CSMD1: variants seen among roughly 807,000 people sequenced by gnomAD.
The protein encoded by CSMD1 is CUB and sushi domain-containing protein 1.
CSMD1 carries 213 observed loss-of-function variants against 417.5 expected under a neutral mutation model. The ratio of observed to expected loss-of-function variants is 0.51; its 90% CI spans 0.46 to 0.57. The LOEUF is 0.57. Ranked by LOEUF, CSMD1 falls within the 20% of genes least tolerant of loss-of-function variation. The pLI, the probability that CSMD1 is intolerant of heterozygous loss-of-function variation, is 0.00. For missense variants in CSMD1, 6,923 were observed against 4,529.7 expected, an observed-to-expected ratio of 1.53 and a Z score of -15.17; for synonymous variants, 2,862 against 1,736.8, an observed-to-expected ratio of 1.65 and a Z score of -16.11.
At chr8:3,856,825 G>A (rs1199238034) in intron 5 of CSMD1, among the ~76,000 whole-genome samples, 1 of 152,116 alleles carries the variant, frequency 6.6e-6, no homozygotes, top group African/African-American at 2.4e-5. Flanking sequence ...GGGGCCCAAA[G>A]TTAACAGAAC....
chr8:3,972,166 G>A (rs1226969701), intron 5 of CSMD1, among the ~76,000 whole-genome samples: 2 of 152,006 alleles, frequency 1.3e-5, no homozygotes, highest in Non-Finnish European at 2.9e-5. Flanking sequence ...CCCTGTGCCT[G>A]GCCCTTCTAA....
chr8:4,240,388 C>G (rs915848980), intron 3 of CSMD1, among the ~76,000 whole-genome samples: 3 of 152,212 alleles, frequency 2.0e-5, no homozygotes, highest in African/African-American at 7.2e-5. Context: ...TTGCAGGCAT[C>G]ACAGTTGAGC....
At chr8:4,100,370 C>A (rs1585313164) in intron 3 of CSMD1, among the ~76,000 whole-genome samples, 1 of 152,218 alleles carries the variant, frequency 6.6e-6, no homozygotes, top group Admixed American at 6.5e-5. Flanking sequence ...TCCTCCACCA[C>A]CCATCTCCTT....
intron 1 of CSMD1, among the ~76,000 whole-genome samples, chr8:4,982,364 T>C (rs141152090): frequency 1.1e-3 from 163 of 152,350 alleles, no homozygotes; most frequent in African/African-American, 3.8e-3. Flanking sequence ...TTGTTCCTGG[T>C]GGCATCTGGT....
intron 26 of CSMD1, among the ~76,000 whole-genome samples, chr8:3,258,215 T>C (rs895352239): frequency 6.6e-6 from 1 of 152,132 alleles, no homozygotes; most frequent in Non-Finnish European, 1.5e-5. Context: ...AAATGTCTAA[T>C]ATCCAGCATC....
chr8:3,843,417 G>T (rs533148318), intron 5 of CSMD1, among the ~76,000 whole-genome samples: 1 of 152,030 alleles, frequency 6.6e-6, no homozygotes, highest in Admixed American at 6.6e-5. Flanking sequence ...TAAAGTCAAA[G>T]TTGGTTTCAG....
At chr8:4,843,894 T>C (rs769314182) in intron 1 of CSMD1, among the ~76,000 whole-genome samples, 1 of 152,078 alleles carries the variant, frequency 6.6e-6, no homozygotes, top group Non-Finnish European at 1.5e-5. Context: ...ACACACCCAG[T>C]GAGCTCTTTT....
At chr8:3,436,502 T>G (rs1393396271) in intron 12 of CSMD1, among the ~76,000 whole-genome samples, 3 of 152,244 alleles carry the variant, frequency 2.0e-5, no homozygotes, top group Non-Finnish European at 4.4e-5. Context: ...ATAAAATTAA[T>G]TATGTAAATT....
Position 3,893,081 on chromosome 8 carries a change from G to C in CSMD1, c.818+104822C>G, listed in dbSNP as rs148423694. On this transcript the variant is annotated intron_variant, in intron 5 of 69. Transcript: ENST00000635120. ...GACCAAGTATGCTGGAGAAATGCTGGAATTAGCTTTCTATTATCTCTGCAA... is the reference window on the plus strand; with the variant it reads ...GACCAAGTATGCTGGAGAAATGCTGCAATTAGCTTTCTATTATCTCTGCAA... Among the ~76,000 whole-genome samples, 42 of 151,796 alleles carry C rather than the reference G, an allele frequency of 2.8e-4. No homozygotes were observed. The East Asian group carries it at 5.1e-3, about 18-fold the overall frequency.
intron 3 of CSMD1, among the ~76,000 whole-genome samples, chr8:4,036,732 C>T (rs1057083199): frequency 3.3e-5 from 5 of 152,236 alleles, no homozygotes; most frequent in African/African-American, 7.2e-5. Flanking sequence ...GATGCAGTTG[C>T]AGGCTTTTAT....
intron 2 of CSMD1, among the ~76,000 whole-genome samples, chr8:4,544,436 G>C (rs1250348359): frequency 2.0e-5 from 3 of 151,876 alleles, no homozygotes; most frequent in African/African-American, 4.8e-5. Context: ...TTTTGTAATA[G>C]TTATATGTAG....
intron 3 of CSMD1, among the ~76,000 whole-genome samples, chr8:4,039,785 A>G (rs1797794178): frequency 6.6e-6 from 1 of 152,238 alleles, no homozygotes; most frequent in Admixed American, 6.5e-5. Context: ...ATTTATAGAA[A>G]AGTATATGGC....
At chr8:3,151,269 A>C (rs1461828644) in intron 40 of CSMD1, 128 bp downstream of exon 40, 2 of 606,726 alleles carry the variant, frequency 3.3e-6, no homozygotes, top group African/African-American at 1.8e-5. Context: ...CTTTATTTAA[A>C]TCTGTACGCC....
At chr8:4,898,192 A>C (rs7831131) in intron 1 of CSMD1, among the ~76,000 whole-genome samples, 45 of 152,286 alleles carry the variant, frequency 3.0e-4, no homozygotes, top group African/African-American at 9.6e-4. Context: ...GTGCATTGCT[A>C]TATTGCAAAT....
At chr8:3,603,532 T>C (rs1031325167) in intron 8 of CSMD1, among the ~76,000 whole-genome samples, 1 of 152,096 alleles carries the variant, frequency 6.6e-6, no homozygotes, top group Non-Finnish European at 1.5e-5. Context: ...CTTACAGAAA[T>C]GAACACTGGT....
chr8:3,465,920 TG>T (rs1246911097), intron 12 of CSMD1, among the ~76,000 whole-genome samples: 1 of 152,152 alleles, frequency 6.6e-6, no homozygotes, highest in Admixed American at 6.5e-5. Context: ...TGTCGAGAGC[TG>T]TTGCCTCAGA....
intron 5 of CSMD1, among the ~76,000 whole-genome samples, chr8:3,852,587 G>C (rs1803990900): frequency 1.3e-5 from 2 of 152,116 alleles, no homozygotes; most frequent in Admixed American, 6.6e-5. Flanking sequence ...GGACTTACTC[G>C]TGTCAGCTAT....
chr8:3,000,836 C>A (rs114782129), intron 52 of CSMD1, among the ~76,000 whole-genome samples: 125 of 152,214 alleles, frequency 8.2e-4, no homozygotes, highest in African/African-American at 3.0e-3. Flanking sequence ...AGCGCGAGAT[C>A]GCGACAGGCG....
intron 8 of CSMD1, among the ~76,000 whole-genome samples, chr8:3,614,565 CCT>C (rs1802045439): frequency 6.6e-6 from 1 of 152,158 alleles, no homozygotes; most frequent in African/African-American, 2.4e-5. Flanking sequence ...TTAAGCATTT[CCT>C]CTGTCATTTT....
Sources: gnomAD v4.1 joint callset for allele counts (sites outside exome capture counted in the v4.1 genomes callset) on GRCh38, gnomAD v4.1.1 for gene constraint, MANE v1.5 for transcripts, NCBI Gene and HGNC (gene_info 2026-07-23, HGNC 2026-07-21) for gene names.